Variants in APH1B observed in about 807,000 individuals in gnomAD.
APH1B encodes the protein gamma-secretase subunit APH-1B.
In APH1B, 27 loss-of-function variants were observed where a neutral mutation model predicts 28.2. The ratio of observed to expected loss-of-function variants is 0.96; its 90% CI spans 0.70 to 1.32. The LOEUF (loss-of-function observed/expected upper bound fraction) is 1.32. APH1B is among the 40% of genes most tolerant of loss of function. The pLI is 0.00. For synonymous variants in APH1B, 141 were observed against 124.6 expected (o/e 1.13, Z -0.88); for missense variants, 305 against 313.6 (o/e 0.97, Z 0.21).
intron 2 of APH1B, 125 bp downstream of exon 2, chr15:63,279,456 G>T: frequency 1.3e-6 from 1 of 788,254 alleles, no homozygotes. Context: ...CAAGAGATTG[G>T]TACATTTCCA....
chr15:63,288,348 A>G (rs2038469241), intron 4 of APH1B, among the ~76,000 whole-genome samples: 1 of 151,902 alleles, frequency 6.6e-6, no homozygotes, highest in Non-Finnish European at 1.5e-5. Flanking sequence ...AAAGATATAA[A>G]GAGGTATGAC....
intron 4 of APH1B, among the ~76,000 whole-genome samples, chr15:63,293,731 C>T (rs1051086488): frequency 1.3e-5 from 2 of 152,118 alleles, no homozygotes; most frequent in Non-Finnish European, 2.9e-5. Flanking sequence ...CTCCTGACCT[C>T]GTCATCTGCC....
chr15:63,300,501 CA>C (rs111670914), intron 4 of APH1B, among the ~76,000 whole-genome samples: 42,277 of 151,978 alleles, frequency 0.28, 6,040 homozygotes, highest in South Asian at 0.34. Flanking sequence ...TTTTCTGACA[CA>C]AAAACTTTAA....
At chr15:63,298,110 G>T (rs1000154624) in intron 4 of APH1B, among the ~76,000 whole-genome samples, 6 of 152,296 alleles carry the variant, frequency 3.9e-5, no homozygotes, top group African/African-American at 1.2e-4. Flanking sequence ...TTGTTATGTG[G>T]GTTGATGAAA....
Position 63,308,947 on chromosome 15 carries a change from A to AATG in APH1B, c.*3167_*3168insTGA, listed in dbSNP as rs768402300. 3.9e-5 allele frequency: 6 copies of AATG among 152,238 alleles called. No individual in the cohort carries two copies. Among genetic ancestry groups the AATG allele is most frequent in the Non-Finnish European group, 8.8e-5 (6 of 68,028 alleles). 9.4% of individuals were successfully genotyped at this position (152,238 alleles called of 1,614,324 possible). A position where few individuals can be genotyped will look rare whatever the true frequency, so the allele number is the denominator to read the frequency against. ...AATAGGCTTTTTACTTCATTCTATT[A>AATG]AATTTTAGTGTTTAGAAGAGGCGGG... On this transcript the variant is annotated 3_prime_UTR_variant, in exon 6 of 6. Coordinates refer to ENST00000261879, the MANE Select transcript of APH1B (RefSeq NM_031301.4).
At chr15:63,288,033 G>A (rs542679319) in intron 4 of APH1B, among the ~76,000 whole-genome samples, 19 of 152,238 alleles carry the variant, frequency 1.2e-4, no homozygotes, top group African/African-American at 3.9e-4. Context: ...TTTCGTCCAC[G>A]AGCTAAAAAT....
rs186538526 is a variant in APH1B, at chr15:63,303,924, G to A, written c.606+1452G>A. On this transcript the variant is annotated intron_variant, in intron 5 of 5. Coordinates refer to ENST00000261879, the MANE Select transcript of APH1B (RefSeq NM_031301.4). ...ACACACACACTTCTTTTGGGTATAC[G>A]CCTAGGAGTGGGACTGCTGGGTCAT... Among the ~76,000 whole-genome samples, 4 of 149,070 alleles carry A rather than the reference G, an allele frequency of 2.7e-5. No individual in the cohort carries two copies. The East Asian group carries it at 5.9e-4, about 22-fold the overall frequency.
rs372372980 is a variant in APH1B at position 63,294,490 on chromosome 15, C to T, written c.478+6944C>T. 9.2e-5 allele frequency among the ~76,000 whole-genome samples: 14 copies of T among 152,290 alleles called. No individual in the cohort carries two copies. The East Asian group carries it at 1.2e-3, about 13-fold the overall frequency. On this transcript the variant is annotated intron_variant, in intron 4 of 5. Coordinates refer to ENST00000261879, the MANE Select transcript of APH1B (RefSeq NM_031301.4). Reference sequence around the variant, plus strand: ...GACCACTTGTACCAGTTCACTTTTCCCCCTTTCCACAGCTCTGCTAAAGAC... The same window carrying T: ...GACCACTTGTACCAGTTCACTTTTCTCCCTTTCCACAGCTCTGCTAAAGAC...
At chr15:63,279,400 A>T in intron 2 of APH1B, 69 bp downstream of exon 2, 4 of 1,441,412 alleles carry the variant, frequency 2.8e-6, no homozygotes, top group Non-Finnish European at 3.8e-6. Context: ...GTCATTTGAA[A>T]CGTGAATATA....
In APH1B at chr15:63,305,989, G is replaced by T; in HGVS notation, c.*208G>T. ...TCCTGGCTGCACGAGAATCACCTGG[G>T]ACAGTGTAAAGCCGACTGATTCTGG... On this transcript the variant is annotated 3_prime_UTR_variant, in exon 6 of 6. Transcript: ENST00000261879. 1.6e-6 allele frequency: 1 copy of T among 620,228 alleles called. No homozygotes were observed. Among genetic ancestry groups the T allele is most frequent in the Non-Finnish European group, 2.6e-6 (1 of 379,320 alleles). 38.4% of individuals were successfully genotyped at this position (620,228 alleles called of 1,614,324 possible). A position where few individuals can be genotyped will look rare whatever the true frequency, so the allele number is the denominator to read the frequency against.
intron 4 of APH1B, among the ~76,000 whole-genome samples, chr15:63,298,364 C>T (rs1421310357): frequency 6.6e-6 from 1 of 152,138 alleles, no homozygotes; most frequent in Non-Finnish European, 1.5e-5. Flanking sequence ...CTGCACACTG[C>T]CACGCCTGGC....
chr15:63,289,476 C>T (rs1170102228), intron 4 of APH1B, among the ~76,000 whole-genome samples: 1 of 152,112 alleles, frequency 6.6e-6, no homozygotes, highest in Non-Finnish European at 1.5e-5. Flanking sequence ...AATGTAGGGT[C>T]ACTAATTACA....
intron 5 of APH1B, among the ~76,000 whole-genome samples, chr15:63,303,720 T>G (rs2038656891): frequency 6.6e-6 from 1 of 152,194 alleles, no homozygotes; most frequent in South Asian, 2.1e-4. Context: ...TTCGAACTCC[T>G]GGGCTCAAGC....
Position 63,287,506 on chromosome 15 carries a change from G to A in APH1B, c.438G>A (p.Val146=), listed in dbSNP as rs751095886. 1.3e-5 allele frequency: 21 copies of A among 1,613,742 alleles called. No individual in the cohort carries two copies. The highest frequency in any genetic ancestry group is 1.7e-5 in the Non-Finnish European group (20 of 1,179,804). ...TLSDSLGPGT[V]GIHGDSPQFF... ...CTGACTCCTTGGGGCCAGGCACAGTGGGCATTCATGGAGATTCTCCTCAAT... is the reference window on the plus strand; with the variant it reads ...CTGACTCCTTGGGGCCAGGCACAGTAGGCATTCATGGAGATTCTCCTCAAT... Residue 146 remains valine, a synonymous_variant, in exon 4 of 6, where the codon GTG becomes GTA. Coordinates refer to ENST00000261879, the MANE Select transcript of APH1B (RefSeq NM_031301.4).
In APH1B at chr15:63,291,438, G is replaced by A. The variant is rs576450001; in HGVS notation, c.478+3892G>A. Among the ~76,000 whole-genome samples, 53 of 152,252 alleles carry A rather than the reference G, an allele frequency of 3.5e-4. No individual in the cohort carries two copies. In the South Asian group the frequency reaches 4.6e-3, roughly 13 times the overall value. The stretch of plus-strand genomic sequence containing the variant: ...CCTAGGCAAGCTTTTAAACTTTTTA[G>A]CCACTAAACGTTTCACAAGGGAAAA... On this transcript the variant is annotated intron_variant, in intron 4 of 5. Transcript: ENST00000261879.
At chr15:63,294,109 A>AT (rs34079708) in intron 4 of APH1B, among the ~76,000 whole-genome samples, 21,859 of 147,490 alleles carry the variant, frequency 0.15, 1,917 homozygotes, top group East Asian at 0.46. Flanking sequence ...TTTCACAGAC[A>AT]TTTTTTTTTT....
intron 4 of APH1B, among the ~76,000 whole-genome samples, chr15:63,297,581 T>C (rs936796736): frequency 2.6e-5 from 4 of 152,158 alleles, no homozygotes; most frequent in Non-Finnish European, 2.9e-5. Flanking sequence ...GGGTTAGATT[T>C]ACTGAAGGAC....
In APH1B at chr15:63,308,303, T is replaced by G. The variant is rs149097392; in HGVS notation, c.*2522T>G. 2.0e-5 allele frequency: 3 copies of G among 152,318 alleles called. No homozygotes were observed. The East Asian group carries it at 5.8e-4, about 29-fold the overall frequency. 9.4% of individuals were successfully genotyped at this position (152,318 alleles called of 1,614,324 possible). On this transcript the variant is annotated 3_prime_UTR_variant, in exon 6 of 6. Transcript: ENST00000261879. ...ATAGAGACTGTGTTGCTCTCTAGTA[T>G]AAGCTATATTTATTTTTGATTCATT...
chr15:63,278,330 C>CCT (rs1396252078), intron 1 of APH1B: 1 of 456,618 alleles, frequency 2.2e-6, no homozygotes, highest in Non-Finnish European at 4.4e-6. Context: ...AAGCACCTGA[C>CCT]TGTGCGTCTC....
Sources: gnomAD v4.1 joint callset for allele counts (sites outside exome capture counted in the v4.1 genomes callset) on GRCh38, gnomAD v4.1.1 for gene constraint, MANE v1.5 for transcripts, NCBI Gene and HGNC (gene_info 2026-07-23, HGNC 2026-07-21) for gene names.